Variants in FIRRM observed in about 807,000 individuals in gnomAD.
FIRRM encodes FIGNL1 interacting regulator of recombination and mitosis, also known as FIGNL1-interacting regulator of recombination and mitosis.
chr1:169,807,802 AG>A, the FIRRM span: 1 of 1,593,120 alleles, frequency 6.3e-7, no homozygotes, highest in Non-Finnish European at 8.5e-7. Flanking sequence ...CAGAGCCTTA[AG>A]CACCAGTCCA....
At chr1:169,809,810 C>G in the FIRRM span, among the ~76,000 whole-genome samples, 1 of 152,186 alleles carries the variant, frequency 6.6e-6, no homozygotes, top group Non-Finnish European at 1.5e-5. Flanking sequence ...CAGCGACGCC[C>G]TCTGCTGTTC....
chr1:169,791,925 C>G, the FIRRM span, among the ~76,000 whole-genome samples: 10 of 152,206 alleles, frequency 6.6e-5, no homozygotes, highest in African/African-American at 2.4e-4. Context: ...TAAGTCTATA[C>G]TCCCCCAAAT....
chr1:169,821,482 C>T, the FIRRM span, among the ~76,000 whole-genome samples: 1 of 151,944 alleles, frequency 6.6e-6, no homozygotes, highest in East Asian at 1.9e-4. Context: ...AATTTAATAC[C>T]TCTGTTGTCA....
chr1:169,836,053 A>AT, the FIRRM span, among the ~76,000 whole-genome samples: 1,543 of 142,096 alleles, frequency 0.011, 6 homozygotes, highest in African/African-American at 0.017. Context: ...GTCAGATTTA[A>AT]TTTTTTTTTT....
At chr1:169,841,359 G>A in the FIRRM span, among the ~76,000 whole-genome samples, 1 of 152,112 alleles carries the variant, frequency 6.6e-6, no homozygotes, top group African/African-American at 2.4e-5. Flanking sequence ...TGCTAGTATC[G>A]TTTTGAGGAT....
chr1:169,829,431 C>G, the FIRRM span: 1 of 1,611,720 alleles, frequency 6.2e-7, no homozygotes, highest in Non-Finnish European at 8.5e-7. Flanking sequence ...CCTTTCATCC[C>G]TCACTGTTTG....
chr1:169,799,814 A>C, the FIRRM span, among the ~76,000 whole-genome samples: 1 of 152,160 alleles, frequency 6.6e-6, no homozygotes, highest in Non-Finnish European at 1.5e-5. Flanking sequence ...TGGCCTCCAT[A>C]AGTGCTGGGA....
the FIRRM span, among the ~76,000 whole-genome samples, chr1:169,789,873 AAAT>A: frequency 2.0e-5 from 3 of 152,256 alleles, no homozygotes; most frequent in Non-Finnish European, 4.4e-5. Context: ...GAATTATTAA[AAAT>A]AATAATTTCC....
At chr1:169,814,025 T>A in the FIRRM span, among the ~76,000 whole-genome samples, 1 of 152,200 alleles carries the variant, frequency 6.6e-6, no homozygotes, top group African/African-American at 2.4e-5. Flanking sequence ...TACAAGTTGT[T>A]TACAATTTGA....
At chr1:169,805,922 T>G in the FIRRM span, 1 of 746,518 alleles carries the variant, frequency 1.3e-6, no homozygotes, top group Non-Finnish European at 2.3e-6. Flanking sequence ...TTGAAATTGT[T>G]CAGTAGATAG....
At chr1:169,829,353 G>A in the FIRRM span, 2 of 1,613,884 alleles carry the variant, frequency 1.2e-6, no homozygotes, top group East Asian at 2.2e-5. Flanking sequence ...TAAAGAGTAA[G>A]GGGAAAGCTG....
the FIRRM span, chr1:169,804,276 A>T: frequency 7.6e-7 from 1 of 1,320,030 alleles, no homozygotes; most frequent in South Asian, 2.3e-5. Flanking sequence ...GTATATGGTG[A>T]CTATAAATCA....
the FIRRM span, chr1:169,793,938 T>G: frequency 2.6e-6 from 1 of 379,650 alleles, no homozygotes; most frequent in Non-Finnish European, 4.7e-6. Context: ...AAATGATGAT[T>G]AAAGCAAAAT....
the FIRRM span, among the ~76,000 whole-genome samples, chr1:169,822,034 T>G: frequency 4.6e-5 from 7 of 152,284 alleles, no homozygotes; most frequent in South Asian, 1.0e-3. Context: ...TTTTAAAGAT[T>G]CCCCTGATAG....
chr1:169,823,777 A>AT, the FIRRM span, among the ~76,000 whole-genome samples: 3 of 152,132 alleles, frequency 2.0e-5, no homozygotes, highest in South Asian at 4.1e-4. Flanking sequence ...TTCTATTGGC[A>AT]TTTTTTAATC....
the FIRRM span, chr1:169,827,975 A>ACATATAT: frequency 1.2e-6 from 1 of 829,904 alleles, no homozygotes; most frequent in East Asian, 2.5e-5. Flanking sequence ...GTGTAGACAC[A>ACATATAT]CATATATATT....
At chr1:169,849,598 C>T in the FIRRM span, 44 of 1,609,520 alleles carry the variant, frequency 2.7e-5, no homozygotes, top group African/African-American at 2.9e-4. Flanking sequence ...TTACTCAGTT[C>T]GCTGAGGTAA....
At chr1:169,808,607 T>C in the FIRRM span, among the ~76,000 whole-genome samples, 2 of 84,500 alleles carry the variant, frequency 2.4e-5, no homozygotes, top group Non-Finnish European at 4.9e-5. Flanking sequence ...ATATGTCATT[T>C]GTTTTTTTTT....
the FIRRM span, chr1:169,794,989 C>T: frequency 1.0e-5 from 8 of 790,366 alleles, no homozygotes; most frequent in Admixed American, 1.4e-4. Flanking sequence ...AACCAGCCGC[C>T]CTCCTCTCTA....
Sources: allele counts gnomAD v4.1 joint callset (sites outside exome capture counted in the v4.1 genomes callset), GRCh38; gene constraint gnomAD v4.1.1; transcripts MANE v1.5; gene names NCBI Gene and HGNC (gene_info 2026-07-23, HGNC 2026-07-21).